The following AP1S2 variants were observed in gnomAD, a reference collection of about 807,000 sequenced individuals.
AP1S2 encodes AP-1 complex subunit sigma-2.
AP1S2 carries 1 observed loss-of-function variant against 14.3 expected under a neutral mutation model. The ratio of observed to expected loss-of-function variants is 0.07; its 90% confidence interval spans 0.02 to 0.33. The LOEUF is 0.33. AP1S2 is among the 10% of genes least tolerant of loss of function. The pLI is 0.99. For synonymous variants in AP1S2, 30 were observed against 40.5 expected (o/e 0.74, Z 0.99); for missense variants, 30 against 117.7 (o/e 0.25, Z 3.45).
rs528636438 is a variant in AP1S2 at position 15,850,595 on chromosome X, C to A, written c.179+1751G>T. Among the ~76,000 whole-genome samples the A allele has an allele frequency of 1.2e-4, 13 of 108,201 alleles. No homozygotes were observed. The South Asian group carries it at 4.5e-3, about 38-fold the overall frequency. 94.0% of individuals were successfully genotyped at this position (108,201 alleles called of 115,157 possible). Reference sequence around the variant, plus strand: ...AGGGCTGGACTTGAACTCCTGGGCTCAAGCGATTCTCCTGCCTCGACCTCC... The same window carrying A: ...AGGGCTGGACTTGAACTCCTGGGCTAAAGCGATTCTCCTGCCTCGACCTCC... On this transcript the variant is annotated intron_variant, in intron 2 of 5. Coordinates refer to ENST00000672987, the MANE Select transcript of AP1S2 (RefSeq NM_001272071.2).
Position 15,827,328 on chromosome X carries a change from T to C in AP1S2, c.480A>G (p.Thr160=), listed in dbSNP as rs1450517180. ...PRSVLEEIGL[T] is the part of the protein sequence containing the mutation. Reference sequence around the variant, plus strand: ...AGTCATCAACAAGGGAGGAGAGTTATGTCAGTCCAATTTCTTCAAGAACAC... The same window carrying C: ...AGTCATCAACAAGGGAGGAGAGTTACGTCAGTCCAATTTCTTCAAGAACAC... Residue 160 remains threonine (T), a synonymous_variant, in exon 6 of 6, where the codon ACA becomes ACG. Transcript: ENST00000672987. 4 of 1,206,031 alleles carry C rather than the reference T, an allele frequency of 3.3e-6. No individual in the cohort carries two copies. Among genetic ancestry groups the C allele is most frequent in the Non-Finnish European group, 2.2e-6 (2 of 891,369 alleles).
chrX:15,831,034 C>G, intron 4 of AP1S2: 2 of 699,503 alleles, frequency 2.9e-6, no homozygotes, highest in Non-Finnish European at 3.4e-6. Context: ...CATTAGAACA[C>G]ATTAGCTCAT....
At chrX:15,845,121 G>C (rs1933961415) in intron 4 of AP1S2, 1 of 752,351 alleles carries the variant, frequency 1.3e-6, no homozygotes, top group African/African-American at 2.3e-5. Context: ...TAAAGGTTTA[G>C]ACTCCAGTGT....
chrX:15,829,372 T>C (rs1933357906), intron 4 of AP1S2, among the ~76,000 whole-genome samples: 2 of 111,857 alleles, frequency 1.8e-5, no homozygotes, highest in Admixed American at 9.6e-5. Context: ...AAGGTTCATG[T>C]AGCCTTGAAT....
intron 2 of AP1S2, among the ~76,000 whole-genome samples, chrX:15,850,792 G>A (rs1430410242): frequency 4.5e-5 from 5 of 110,697 alleles, no homozygotes; most frequent in Admixed American, 1.9e-4. Context: ...CATTGTCTCA[G>A]TTCAATCTTT....
At chrX:15,852,229 T>A in intron 2 of AP1S2, 117 bp downstream of exon 2, 5 of 692,165 alleles carry the variant, frequency 7.2e-6, no homozygotes, top group Non-Finnish European at 1.1e-5. Context: ...ACCTTAAACC[T>A]ATTTCATCTA....
chrX:15,845,806 G>T, intron 3 of AP1S2, 97 bp downstream of exon 3: 1 of 810,725 alleles, frequency 1.2e-6, no homozygotes, highest in Non-Finnish European at 1.9e-6. Context: ...CTCTCCCGCG[G>T]TTAGAATCCC....
chrX:15,848,931 GTATT>G (rs780122192), intron 2 of AP1S2, among the ~76,000 whole-genome samples: 79 of 112,113 alleles, frequency 7.0e-4, no homozygotes, highest in African/African-American at 2.5e-3. Context: ...AAATCAGTAA[GTATT>G]CTTTAACAAA....
rs748041023 is a variant in AP1S2 at position 15,827,370 on chromosome X, T to C, written c.438A>G (p.Glu146=). The change falls in exon 6 of 6, where the codon GAA becomes GAG. Residue 146 remains glutamate (E), a splice_region_variant and synonymous_variant. Coordinates refer to ENST00000672987, the MANE Select transcript of AP1S2 (RefSeq NM_001272071.2). ...QADLLQEDAK[E]AETPRSVLEE... ...CAAGAACACTACGTGGGGTTTCAGCTTCCTGTGGAGGGAAAATGTGAGACT... is the reference window on the plus strand; with the variant it reads ...CAAGAACACTACGTGGGGTTTCAGCCTCCTGTGGAGGGAAAATGTGAGACT... 1 of 1,206,283 alleles carries C rather than the reference T, an allele frequency of 8.3e-7. No individual in the cohort carries two copies.
At chrX:15,845,112 A>C in intron 4 of AP1S2, 16 of 754,205 alleles carry the variant, frequency 2.1e-5, no homozygotes, top group Non-Finnish European at 2.2e-5. Context: ...TCTGTCCTCT[A>C]AAGGTTTAGA....
intron 4 of AP1S2, among the ~76,000 whole-genome samples, chrX:15,834,293 C>T (rs1307436742): frequency 9.8e-6 from 1 of 102,528 alleles, no homozygotes; most frequent in Non-Finnish European, 2.0e-5. Context: ...AAGAAAATGA[C>T]ACTTCCTCAA....
intron 4 of AP1S2, 147 bp from the exon 5 acceptor site, chrX:15,828,347 A>G (rs1192604815): frequency 5.3e-6 from 2 of 380,719 alleles, no homozygotes; most frequent in Non-Finnish European, 8.3e-6. Context: ...TTTGGAAAAC[A>G]TGGATAATAG....
chrX:15,826,455 G>A lies in AP1S2; in HGVS notation c.*870C>T, dbSNP rs149236916. 9.8e-5 allele frequency: 11 copies of A among 111,865 alleles called. No homozygotes were observed. The highest frequency in any genetic ancestry group is 3.6e-4 in the African/African-American group (11 of 30,842). The allele number at this position is 111,865 out of a possible 1,213,427, so 9.2% of individuals were successfully genotyped here. A position where few individuals can be genotyped will look rare whatever the true frequency, so the allele number is the denominator to read the frequency against. ...TTTAGCTTTAACAAGTACCCCAGAG[G>A]GAACATTCGTGCTTTAAACAATGAC... On this transcript the variant is annotated 3_prime_UTR_variant, in exon 6 of 6. Coordinates refer to ENST00000672987, the MANE Select transcript of AP1S2 (RefSeq NM_001272071.2).
chrX:15,849,368 T>G lies in AP1S2; in HGVS notation c.179+2978A>C, dbSNP rs149774242. Among the ~76,000 whole-genome samples, 9 of 112,770 alleles carry G rather than the reference T, an allele frequency of 8.0e-5. No homozygotes were observed. The East Asian group carries it at 2.2e-3, about 28-fold the overall frequency. ...AGGCGCTAAGCAGTAATTCTCCTGCTTAAAAAGCTCTTCGCTTCCAGCAGT... is the reference window on the plus strand; with the variant it reads ...AGGCGCTAAGCAGTAATTCTCCTGCGTAAAAAGCTCTTCGCTTCCAGCAGT... On this transcript the variant is annotated intron_variant, in intron 2 of 5. Coordinates refer to ENST00000672987, the MANE Select transcript of AP1S2 (RefSeq NM_001272071.2).
At chrX:15,844,142 G>A (rs1312361203) in intron 4 of AP1S2, among the ~76,000 whole-genome samples, 1 of 112,490 alleles carries the variant, frequency 8.9e-6, no homozygotes, top group Admixed American at 9.4e-5. Context: ...TCAACTTCAA[G>A]CAATCCCCAC....
intron 4 of AP1S2, among the ~76,000 whole-genome samples, chrX:15,840,218 G>A (rs1933784712): frequency 8.9e-6 from 1 of 111,928 alleles, no homozygotes; most frequent in African/African-American, 3.3e-5. Flanking sequence ...GATTACTTTA[G>A]TGAGAAAAAA....
intron 4 of AP1S2, among the ~76,000 whole-genome samples, chrX:15,836,413 C>G (rs1933638727): frequency 8.9e-6 from 1 of 112,063 alleles, no homozygotes; most frequent in South Asian, 3.6e-4. Flanking sequence ...TGTTTTCTGC[C>G]ATCTTTTTCT....
intron 2 of AP1S2, among the ~76,000 whole-genome samples, chrX:15,851,225 C>T (rs182445088): frequency 1.8e-5 from 2 of 112,674 alleles, no homozygotes; most frequent in African/African-American, 6.4e-5. Context: ...AAACGAAACA[C>T]TGGATACAAA....
At chrX:15,829,135 G>A (rs187552494) in intron 4 of AP1S2, among the ~76,000 whole-genome samples, 3 of 110,994 alleles carry the variant, frequency 2.7e-5, no homozygotes, top group African/African-American at 6.5e-5. Flanking sequence ...ATGTGTACAC[G>A]AGGGTTCTTT....
Sources: gnomAD v4.1 joint callset for allele counts (sites outside exome capture counted in the v4.1 genomes callset) on GRCh38, gnomAD v4.1.1 for gene constraint, MANE v1.5 for transcripts, NCBI Gene and HGNC (gene_info 2026-07-23, HGNC 2026-07-21) for gene names.